Variants in NTRK2 observed in about 807,000 individuals in gnomAD.
The protein encoded by NTRK2 is BDNF/NT-3 growth factors receptor.
A neutral mutation model predicts 94.5 loss-of-function variants in NTRK2; 13 were observed. That is an observed-to-expected ratio of 0.14 (90% CI 0.09 to 0.22). The LOEUF is 0.22. NTRK2 is among the 10% of genes least tolerant of loss of function. The pLI, the probability that NTRK2 is intolerant of heterozygous loss-of-function variation, is 1.00. For missense variants in NTRK2, 639 were observed against 1,071.2 expected, an observed-to-expected ratio of 0.60 and a Z score of 5.63; for synonymous variants, 372 against 407.4, an observed-to-expected ratio of 0.91 and a Z score of 1.05.
rs1472093753 is a variant in NTRK2, at chr9:84,744,996, A to T, written c.1219A>T (p.Ile407Phe). Reference sequence around the variant, plus strand: ...AGATTATGGAACTGCAGCGAATGACATCGGGGACACCACGAACAGAAGTAA... The same window carrying T: ...AGATTATGGAACTGCAGCGAATGACTTCGGGGACACCACGAACAGAAGTAA... Reference protein sequence around the residue: ...YEDYGTAANDIGDTTNRSNEI... With the variant: ...YEDYGTAANDFGDTTNRSNEI... The change falls in exon 11 of 19, where the codon ATC becomes TTC. Residue 407 changes from isoleucine (I) to phenylalanine (F), a missense_variant. Coordinates refer to ENST00000277120, the MANE Select transcript of NTRK2 (RefSeq NM_006180.6). 6.2e-7 allele frequency: 1 copy of T among 1,613,654 alleles called. No homozygotes were observed. Among genetic ancestry groups the T allele is most frequent in the African/African-American group, 1.3e-5 (1 of 74,820 alleles).
intron 12 of NTRK2, among the ~76,000 whole-genome samples, chr9:84,797,691 T>C: frequency 1.2e-5 from 1 of 80,576 alleles, no homozygotes; most frequent in East Asian, 3.1e-4. Context: ...TACTATAATA[T>C]ATATATTATA....
At chr9:85,015,748 C>T (rs539966644) in intron 17 of NTRK2, among the ~76,000 whole-genome samples, 156 of 152,248 alleles carry the variant, frequency 1.0e-3, no homozygotes, top group African/African-American at 3.6e-3. Context: ...GGGACTTGAG[C>T]TTGCCTTCAT....
intron 17 of NTRK2, chr9:84,955,718 T>G (rs1477987978): frequency 1.5e-6 from 1 of 660,886 alleles, no homozygotes; most frequent in Non-Finnish European, 2.7e-6. Flanking sequence ...CCTCGCTCCT[T>G]GGCTTGCAGG....
intron 14 of NTRK2, among the ~76,000 whole-genome samples, chr9:84,919,049 C>A (rs538779209): frequency 6.6e-6 from 1 of 152,306 alleles, no homozygotes; most frequent in East Asian, 1.9e-4. Context: ...CCTATCTACA[C>A]ATACATTGAA....
chr9:84,709,456 A>G (rs1209851218), intron 5 of NTRK2, among the ~76,000 whole-genome samples: 1 of 152,174 alleles, frequency 6.6e-6, no homozygotes, highest in Non-Finnish European at 1.5e-5. Flanking sequence ...ATATCTCATA[A>G]CATCAAATCC....
intron 14 of NTRK2, chr9:84,876,440 C>G (rs1333860037): frequency 9.5e-7 from 1 of 1,054,968 alleles, no homozygotes; most frequent in African/African-American, 1.7e-5. Flanking sequence ...CCTGCAACAC[C>G]CAAAGAGTTT....
intron 17 of NTRK2, among the ~76,000 whole-genome samples, chr9:84,975,550 C>T (rs539989965): frequency 2.8e-4 from 43 of 152,268 alleles, no homozygotes; most frequent in Admixed American, 6.5e-4. Context: ...GTGCAGCAGC[C>T]GCTGTCCTGT....
rs1322852976 is a variant in NTRK2 at position 84,701,804 on chromosome 9, C to CGGT, written c.213-355_213-354insGGT. On this transcript the variant is annotated intron_variant, in intron 2 of 18. Transcript: ENST00000277120. The stretch of plus-strand genomic sequence containing the variant: ...GACAGCAGCATCTCTGTGGCTCTCA[C>CGGT]CGTAAGAGTGGAAACACCTTTGAGA... Among the ~76,000 whole-genome samples, 6 of 152,244 alleles carry CGGT rather than the reference C, an allele frequency of 3.9e-5. No individual in the cohort carries two copies. The East Asian group carries it at 1.2e-3, about 29-fold the overall frequency.
intron 12 of NTRK2, among the ~76,000 whole-genome samples, chr9:84,772,280 C>T (rs2066629482): frequency 6.6e-6 from 1 of 151,936 alleles, no homozygotes; most frequent in Non-Finnish European, 1.5e-5. Context: ...GAGACAGAGT[C>T]TCACTCTGTC....
At chr9:84,961,478 C>G (rs1588055280) in intron 17 of NTRK2, among the ~76,000 whole-genome samples, 1 of 152,308 alleles carries the variant, frequency 6.6e-6, no homozygotes, top group East Asian at 1.9e-4. Flanking sequence ...TAAGTTCAGA[C>G]TATTTCTGTA....
chr9:84,992,957 C>T (rs1829281278), intron 17 of NTRK2, among the ~76,000 whole-genome samples: 2 of 150,582 alleles, frequency 1.3e-5, no homozygotes, highest in Admixed American at 6.6e-5. Flanking sequence ...TATAACGGTT[C>T]TCACTAAACC....
At chr9:84,807,805 T>G (rs1448988017) in intron 12 of NTRK2, among the ~76,000 whole-genome samples, 1 of 152,212 alleles carries the variant, frequency 6.6e-6, no homozygotes. Flanking sequence ...CTGGATTGAA[T>G]TTTGCTATCA....
intron 14 of NTRK2, among the ~76,000 whole-genome samples, chr9:84,891,843 G>A (rs980310145): frequency 6.6e-6 from 1 of 152,106 alleles, no homozygotes; most frequent in African/African-American, 2.4e-5. Context: ...AGATGTCCAG[G>A]GATGTAACTT....
chr9:84,832,141 C>T (rs551457297), intron 12 of NTRK2, among the ~76,000 whole-genome samples: 65 of 152,260 alleles, frequency 4.3e-4, no homozygotes, highest in African/African-American at 1.1e-3. Flanking sequence ...TCTTGTTACC[C>T]GTTTCTCTCC....
At chr9:84,810,395 G>T (rs923764953) in intron 12 of NTRK2, 1 of 768,314 alleles carries the variant, frequency 1.3e-6, no homozygotes. Flanking sequence ...ATTATATATT[G>T]CTCTATGGTT....
In NTRK2 at chr9:84,736,448, G is replaced by A. The variant is rs142223182; in HGVS notation, c.1160-5444G>A. ...AGAATGCCCCACACTGGTGGATTTAGATTTGGTGTACTTAGTCTAAAGAAC... is the reference window on the plus strand; with the variant it reads ...AGAATGCCCCACACTGGTGGATTTAAATTTGGTGTACTTAGTCTAAAGAAC... On this transcript the variant is annotated intron_variant, in intron 9 of 18. Transcript: ENST00000277120. Among the ~76,000 whole-genome samples, 996 of 152,324 alleles carry A rather than the reference G, an allele frequency of 6.5e-3. 8 individuals carry two copies. Among genetic ancestry groups the A allele is most frequent in the Middle Eastern group, 0.034 (10 of 294 alleles).
intron 17 of NTRK2, among the ~76,000 whole-genome samples, chr9:84,969,897 A>G (rs1011174131): frequency 1.3e-5 from 2 of 152,252 alleles, no homozygotes; most frequent in African/African-American, 4.8e-5. Context: ...CTCATTAGAC[A>G]TGTATAATAC....
At chr9:84,858,337 G>T (rs528457619) in intron 12 of NTRK2, among the ~76,000 whole-genome samples, 3 of 151,278 alleles carry the variant, frequency 2.0e-5, no homozygotes, top group African/African-American at 4.9e-5. Flanking sequence ...TGTTTTTTTT[G>T]TTTGTTTGTT....
At chr9:84,858,884 C>A (rs1028285518) in intron 12 of NTRK2, among the ~76,000 whole-genome samples, 1 of 151,860 alleles carries the variant, frequency 6.6e-6, no homozygotes, top group Non-Finnish European at 1.5e-5. Context: ...GAAAAAAAAA[C>A]CCACTATGAT....
Sources: gnomAD v4.1 joint callset for allele counts (sites outside exome capture counted in the v4.1 genomes callset) on GRCh38, gnomAD v4.1.1 for gene constraint, MANE v1.5 for transcripts, NCBI Gene and HGNC (gene_info 2026-07-23, HGNC 2026-07-21) for gene names.